DLG2: variants seen among roughly 807,000 people sequenced by gnomAD.
DLG2 encodes discs large MAGUK scaffold protein 2, also known as disks large homolog 2.
Under a neutral mutation model 132.5 loss-of-function variants are expected in DLG2, and 45 were observed. The ratio of observed to expected loss-of-function variants is 0.34; its 90% confidence interval spans 0.27 to 0.44. The LOEUF (loss-of-function observed/expected upper bound fraction) is 0.44. DLG2 is among the 20% of genes least tolerant of loss of function. DLG2 has a pLI of 1.00. For missense variants in DLG2, 1,045 were observed against 1,196.9 expected (o/e 0.87, Z 1.87); for synonymous variants, 424 against 419.6 (o/e 1.01, Z -0.13).
At chr11:85,403,213 A>T (rs2088353269) in intron 3 of DLG2, among the ~76,000 whole-genome samples, 1 of 152,192 alleles carries the variant, frequency 6.6e-6, no homozygotes, top group African/African-American at 2.4e-5. Flanking sequence ...GAAGCTAGAA[A>T]TCATCATTCT....
At chr11:84,057,413 A>G (rs2096523329) in intron 11 of DLG2, among the ~76,000 whole-genome samples, 1 of 152,190 alleles carries the variant, frequency 6.6e-6, no homozygotes, top group African/African-American at 2.4e-5. Context: ...ATATATTTTT[A>G]ATAGAAATAA....
chr11:84,375,043 C>A (rs2098723436), intron 7 of DLG2, among the ~76,000 whole-genome samples: 2 of 152,050 alleles, frequency 1.3e-5, no homozygotes, highest in African/African-American at 4.8e-5. Flanking sequence ...TATTCAATAC[C>A]CAAATTTAAA....
At chr11:84,179,613 G>T (rs113349028) in intron 8 of DLG2, among the ~76,000 whole-genome samples, 3,342 of 152,230 alleles carry the variant, frequency 0.022, 102 homozygotes, top group African/African-American at 0.074. Context: ...TTGAATATTA[G>T]AAGAAAATCT....
At chr11:84,349,104 C>T (rs1354079599) in intron 7 of DLG2, among the ~76,000 whole-genome samples, 2 of 152,130 alleles carry the variant, frequency 1.3e-5, no homozygotes, top group Admixed American at 6.5e-5. Context: ...TAGATTACCT[C>T]CCGGTTTTAA....
chr11:84,696,958 G>A (rs1041577194), intron 6 of DLG2, among the ~76,000 whole-genome samples: 1 of 151,204 alleles, frequency 6.6e-6, no homozygotes, highest in Non-Finnish European at 1.5e-5. Flanking sequence ...CACATTGAAG[G>A]GTTCAAAAAT....
At chr11:84,286,599 C>T (rs142514951) in intron 7 of DLG2, among the ~76,000 whole-genome samples, 2,797 of 152,236 alleles carry the variant, frequency 0.018, 127 homozygotes, top group Non-Finnish European at 0.016. Context: ...TTAAATGGTA[C>T]TTTTAGCATG....
chr11:84,810,452 T>C (rs925332070), intron 6 of DLG2, among the ~76,000 whole-genome samples: 3 of 152,128 alleles, frequency 2.0e-5, no homozygotes, highest in African/African-American at 7.2e-5. Context: ...CATCACTACA[T>C]ACAAAATGGT....
chr11:84,496,457 A>T (rs1376047598), intron 7 of DLG2, among the ~76,000 whole-genome samples: 1 of 152,154 alleles, frequency 6.6e-6, no homozygotes, highest in Non-Finnish European at 1.5e-5. Flanking sequence ...CTTTAACCTT[A>T]GAAATCAATG....
intron 7 of DLG2, among the ~76,000 whole-genome samples, chr11:84,276,572 T>C (rs1026022218): frequency 1.3e-5 from 2 of 152,202 alleles, no homozygotes; most frequent in Non-Finnish European, 2.9e-5. Context: ...TGTGCAACTG[T>C]CTCTGCCCAC....
intron 6 of DLG2, among the ~76,000 whole-genome samples, chr11:84,708,350 C>T (rs2059994522): frequency 6.6e-6 from 1 of 151,760 alleles, no homozygotes; most frequent in Non-Finnish European, 1.5e-5. Context: ...TCTAAATTGC[C>T]AGATAAAATC....
intron 6 of DLG2, among the ~76,000 whole-genome samples, chr11:84,963,034 G>C (rs138958424): frequency 5.4e-4 from 82 of 152,272 alleles, no homozygotes; most frequent in African/African-American, 1.9e-3. Flanking sequence ...GTAAATTGCA[G>C]TGGCTCCCAT....
At chr11:84,282,813 A>C (rs976600117) in intron 7 of DLG2, among the ~76,000 whole-genome samples, 1 of 152,140 alleles carries the variant, frequency 6.6e-6, no homozygotes, top group African/African-American at 2.4e-5. Context: ...TGGTTCAGTC[A>C]TTTTGCTTTG....
At chr11:84,371,932 A>G (rs908078678) in intron 7 of DLG2, among the ~76,000 whole-genome samples, 4 of 152,224 alleles carry the variant, frequency 2.6e-5, no homozygotes, top group African/African-American at 9.6e-5. Context: ...TTGAAAAATC[A>G]TAATATTCTG....
At chr11:83,610,548 G>GTA (rs35092414) in intron 19 of DLG2, among the ~76,000 whole-genome samples, 5 of 151,454 alleles carry the variant, frequency 3.3e-5, no homozygotes, top group African/African-American at 1.2e-4. Flanking sequence ...CTATCGAACA[G>GTA]ACAGGGTAAC....
At chr11:83,985,468 C>T (rs528444031) in intron 11 of DLG2, among the ~76,000 whole-genome samples, 113 of 152,100 alleles carry the variant, frequency 7.4e-4, no homozygotes, top group African/African-American at 2.7e-3. Flanking sequence ...ATATTAAGCC[C>T]AGAATCCATT....
chr11:84,378,928 G>A (rs1051044823), intron 7 of DLG2, among the ~76,000 whole-genome samples: 2 of 151,758 alleles, frequency 1.3e-5, no homozygotes, highest in Admixed American at 6.6e-5. Context: ...CCTGGCAACA[G>A]AGGAAGACTC....
At chr11:85,595,269 C>T (rs1459085135) in intron 3 of DLG2, among the ~76,000 whole-genome samples, 2 of 151,462 alleles carry the variant, frequency 1.3e-5, no homozygotes, top group Non-Finnish European at 2.9e-5. Flanking sequence ...AGTATATTGC[C>T]ATTTTAGGTT....
chr11:84,905,701 T>A (rs942182434), intron 6 of DLG2, among the ~76,000 whole-genome samples: 2 of 150,550 alleles, frequency 1.3e-5, no homozygotes, highest in Non-Finnish European at 3.0e-5. Flanking sequence ...CTGACTTCTA[T>A]AATAATCCAT....
At chr11:84,391,544 A>G (rs1295407925) in intron 7 of DLG2, among the ~76,000 whole-genome samples, 2 of 152,158 alleles carry the variant, frequency 1.3e-5, no homozygotes, top group Non-Finnish European at 2.9e-5. Flanking sequence ...ATATTTTACC[A>G]TAACCTAATG....
Sources: gnomAD v4.1 joint callset for allele counts (sites outside exome capture counted in the v4.1 genomes callset) on GRCh38, gnomAD v4.1.1 for gene constraint, MANE v1.5 for transcripts, NCBI Gene and HGNC (gene_info 2026-07-23, HGNC 2026-07-21) for gene names.